ANKRD12: variants seen among roughly 807,000 people sequenced by gnomAD.
ANKRD12 encodes the protein ankyrin repeat domain 12.
A neutral mutation model predicts 183.4 loss-of-function variants in ANKRD12; 85 were observed. That is an observed-to-expected ratio of 0.46 (90% CI 0.39 to 0.56). The LOEUF (loss-of-function observed/expected upper bound fraction) is 0.56, where lower values mean the gene tolerates loss of function less well. Among genes scored for constraint, ANKRD12 ranks in the 20% least tolerant of loss-of-function variants. ANKRD12 has a pLI of 0.00. For missense variants in ANKRD12, 2,405 were observed against 2,357.1 expected (o/e 1.02, Z -0.42); for synonymous variants, 914 against 800.2 (o/e 1.14, Z -2.40).
chr18:9,160,441 G>GTT (rs35649300), intron 1 of ANKRD12, among the ~76,000 whole-genome samples: 2 of 152,068 alleles, frequency 1.3e-5, no homozygotes, highest in South Asian at 2.1e-4. Flanking sequence ...TAATCCAGTG[G>GTT]TTTTTTTAGT....
intron 11 of ANKRD12, 82 bp from the exon 12 acceptor site, chr18:9,279,467 C>A: frequency 3.8e-6 from 3 of 794,868 alleles, no homozygotes; most frequent in African/African-American, 1.8e-5. Flanking sequence ...AAGAAAGCAG[C>A]ATATACCATA....
rs879720630 is a variant in ANKRD12, at chr18:9,272,561, CA to C, written c.5764-2952del. Among the ~76,000 whole-genome samples the C allele has an allele frequency of 4.2e-3, 571 of 137,098 alleles. 3 individuals carry two copies. Among genetic ancestry groups the C allele is most frequent in the African/African-American group, 0.013 (488 of 37,196 alleles). The allele number at this position is 137,098 out of a possible 152,430, so 89.9% of individuals were successfully genotyped here. On this transcript the variant is annotated intron_variant, in intron 10 of 12. Transcript: ENST00000262126. Reference sequence around the variant, plus strand: ...TGGACGACAGAGTGGGACTCCATCTCAAAAAAAAAAAGAAAAAAGAAAAAGT... The same window carrying C: ...TGGACGACAGAGTGGGACTCCATCTCAAAAAAAAAAGAAAAAAGAAAAAGT...
chr18:9,165,504 ACT>A (rs1491142893), intron 1 of ANKRD12, among the ~76,000 whole-genome samples: 2 of 151,904 alleles, frequency 1.3e-5, no homozygotes, highest in African/African-American at 4.8e-5. Context: ...TTGAACACTG[ACT>A]CTGCATTCCC....
At chr18:9,220,945 G>A (rs1422308809) in intron 7 of ANKRD12, among the ~76,000 whole-genome samples, 2 of 152,106 alleles carry the variant, frequency 1.3e-5, no homozygotes, top group African/African-American at 4.8e-5. Flanking sequence ...AAGAGTGAAG[G>A]GCCAATAAGT....
chr18:9,157,597 A>G (rs1444999473), intron 1 of ANKRD12, among the ~76,000 whole-genome samples: 7 of 114,828 alleles, frequency 6.1e-5, no homozygotes, highest in Admixed American at 2.8e-4. Flanking sequence ...ATATATATAT[A>G]TATGTATTTT....
At chr18:9,155,551 A>G (rs867619858) in intron 1 of ANKRD12, among the ~76,000 whole-genome samples, 1 of 152,220 alleles carries the variant, frequency 6.6e-6, no homozygotes, top group Non-Finnish European at 1.5e-5. Context: ...ATACCTCTCC[A>G]AGGAGAATAT....
At chr18:9,166,257 A>G (rs918782520) in intron 1 of ANKRD12, among the ~76,000 whole-genome samples, 1 of 152,174 alleles carries the variant, frequency 6.6e-6, no homozygotes, top group African/African-American at 2.4e-5. Flanking sequence ...GGCTGGGTCA[A>G]ATGGTATTTC....
At chr18:9,199,475 T>A (rs1598531873) in intron 3 of ANKRD12, among the ~76,000 whole-genome samples, 1 of 152,148 alleles carries the variant, frequency 6.6e-6, no homozygotes, top group East Asian at 1.9e-4. Flanking sequence ...GTTGGATGTG[T>A]TTTGGGTACA....
intron 5 of ANKRD12, among the ~76,000 whole-genome samples, chr18:9,210,338 G>A (rs1218981549): frequency 6.6e-6 from 1 of 152,152 alleles, no homozygotes; most frequent in Non-Finnish European, 1.5e-5. Flanking sequence ...GCAGTGATGA[G>A]TAAGATAGAT....
intron 1 of ANKRD12, among the ~76,000 whole-genome samples, chr18:9,145,406 CAAT>C (rs1297612777): frequency 6.6e-5 from 10 of 152,272 alleles, no homozygotes; most frequent in African/African-American, 2.4e-4. Context: ...CAAGTGAAGG[CAAT>C]ATTATAGTAT....
intron 1 of ANKRD12, among the ~76,000 whole-genome samples, chr18:9,147,302 A>T (rs1160226152): frequency 1.3e-5 from 2 of 152,194 alleles, no homozygotes; most frequent in African/African-American, 4.8e-5. Context: ...AAAGCAGTAA[A>T]AGTGAGATAG....
In ANKRD12 at chr18:9,163,681, C is replaced by T. The variant is rs147701095; in HGVS notation, c.-51-18701C>T. On this transcript the variant is annotated intron_variant, in intron 1 of 12. Coordinates refer to ENST00000262126, the MANE Select transcript of ANKRD12 (RefSeq NM_015208.5). ...TGTCCATGAGCATGGAATGTTTTTC[C>T]GTTTGTTTGTGTCCTCTCTTATTTC... is the stretch of plus-strand genomic sequence containing the variant. Among the ~76,000 whole-genome samples, 245 of 152,174 alleles carry T rather than the reference C, an allele frequency of 1.6e-3. 1 individual carries two copies. The highest frequency in any genetic ancestry group is 9.5e-3 in the South Asian group (46 of 4,822).
intron 5 of ANKRD12, 60 bp from the exon 6 acceptor site, chr18:9,211,524 T>A (rs1308314088): frequency 4.1e-6 from 6 of 1,448,908 alleles, no homozygotes; most frequent in Non-Finnish European, 5.7e-6. Flanking sequence ...ATAAAAACAT[T>A]TAAATAAGTA....
At chr18:9,234,352 T>C (rs1028497057) in intron 8 of ANKRD12, among the ~76,000 whole-genome samples, 5 of 151,976 alleles carry the variant, frequency 3.3e-5, no homozygotes, top group African/African-American at 1.2e-4. Context: ...CGACGGGGGA[T>C]CTCTCTCTCA....
chr18:9,222,490 A>AT (rs1358776202), intron 8 of ANKRD12, among the ~76,000 whole-genome samples: 1 of 149,264 alleles, frequency 6.7e-6, no homozygotes, highest in Non-Finnish European at 1.5e-5. Context: ...TTTAAACACA[A>AT]TTTTTTTTTA....
chr18:9,165,065 A>G (rs927800196), intron 1 of ANKRD12, among the ~76,000 whole-genome samples: 1 of 152,188 alleles, frequency 6.6e-6, no homozygotes, highest in African/African-American at 2.4e-5. Context: ...AACTTGCTTT[A>G]TGAATCTAGG....
intron 2 of ANKRD12, among the ~76,000 whole-genome samples, chr18:9,194,445 C>T (rs1467200613): frequency 2.0e-5 from 3 of 152,016 alleles, no homozygotes; most frequent in African/African-American, 7.2e-5. Context: ...AAGCCCCTGC[C>T]TCCCAGATTC....
chr18:9,137,179 T>C (rs1426135354), intron 1 of ANKRD12: 4 of 150,376 alleles, frequency 2.7e-5, no homozygotes, highest in African/African-American at 9.7e-5. Flanking sequence ...CGCCTGACAG[T>C]GACAGGCCGT....
At chr18:9,174,017 TC>T (rs1170981462) in intron 1 of ANKRD12, among the ~76,000 whole-genome samples, 1 of 152,188 alleles carries the variant, frequency 6.6e-6, no homozygotes, top group Admixed American at 6.5e-5. Flanking sequence ...TGAAATTCCC[TC>T]AGGGAGGCCC....
Sources: allele counts gnomAD v4.1 joint callset (sites outside exome capture counted in the v4.1 genomes callset), GRCh38; gene constraint gnomAD v4.1.1; transcripts MANE v1.5; gene names NCBI Gene and HGNC (gene_info 2026-07-23, HGNC 2026-07-21).